Variants in CRIPTO observed in about 807,000 individuals in gnomAD.
CRIPTO encodes cripto, EGF-CFC family member, also known as protein Cripto.
chr3:46,576,767 C>A, the CRIPTO span, among the ~76,000 whole-genome samples: 1 of 152,100 alleles, frequency 6.6e-6, no homozygotes, highest in South Asian at 2.1e-4. Context: ...CGACTTTGGG[C>A]GTATTTAATA....
At chr3:46,578,326 T>TA in the CRIPTO span, among the ~76,000 whole-genome samples, 1 of 144,468 alleles carries the variant, frequency 6.9e-6, no homozygotes, top group East Asian at 2.1e-4. Flanking sequence ...ATTAAAGGTA[T>TA]AAGCAGATTC....
At chr3:46,580,160 A>G in the CRIPTO span, 1 of 1,507,694 alleles carries the variant, frequency 6.6e-7, no homozygotes, top group African/African-American at 1.4e-5. Flanking sequence ...TTGTCTTGCT[A>G]GAGCCTGGCA....
chr3:46,579,771 G>C, the CRIPTO span: 4 of 1,613,022 alleles, frequency 2.5e-6, no homozygotes, highest in Non-Finnish European at 3.4e-6. Context: ...CTGCCTGAAT[G>C]GGGGAACCTG....
chr3:46,581,344 T>C, the CRIPTO span: 3 of 993,206 alleles, frequency 3.0e-6, no homozygotes, highest in Non-Finnish European at 4.9e-6. Context: ...AACTGAAAGA[T>C]GATCATTTGT....
the CRIPTO span, chr3:46,580,169 C>A: frequency 6.9e-7 from 1 of 1,452,008 alleles, no homozygotes; most frequent in Non-Finnish European, 9.5e-7. Context: ...TAGAGCCTGG[C>A]AGCCAAAGTT....
At chr3:46,578,385 C>CAAAAA in the CRIPTO span, among the ~76,000 whole-genome samples, 5 of 134,620 alleles carry the variant, frequency 3.7e-5, no homozygotes, top group African/African-American at 1.0e-4. Flanking sequence ...AAAAAAAAAC[C>CAAAAA]CACATTTTTT....
At chr3:46,580,137 C>G in the CRIPTO span, 1 of 1,585,024 alleles carries the variant, frequency 6.3e-7, no homozygotes, top group Non-Finnish European at 8.6e-7. Context: ...TTAGCAGGCT[C>G]TCCTTGTACC....
chr3:46,581,174 C>G, the CRIPTO span: 6 of 1,614,072 alleles, frequency 3.7e-6, no homozygotes, highest in Non-Finnish European at 5.1e-6. Flanking sequence ...TCCAGGACTC[C>G]AGAACTACCA....
the CRIPTO span, chr3:46,581,666 T>G: frequency 2.0e-6 from 1 of 511,366 alleles, no homozygotes; most frequent in Non-Finnish European, 3.4e-6. Context: ...TGTGTCACCA[T>G]GCCCAGCTAA....
the CRIPTO span, chr3:46,582,354 T>C: frequency 6.6e-6 from 1 of 152,246 alleles, no homozygotes; most frequent in African/African-American, 2.4e-5. Flanking sequence ...ATGTTCACAA[T>C]ATATTTAGTT....
the CRIPTO span, chr3:46,579,972 T>G: frequency 1.7e-5 from 28 of 1,614,148 alleles, no homozygotes; most frequent in South Asian, 2.7e-4. Flanking sequence ...CTGTGCCCCA[T>G]GACACCTGGC....
At chr3:46,578,124 C>T in the CRIPTO span, 1 of 1,068,026 alleles carries the variant, frequency 9.4e-7, no homozygotes, top group Non-Finnish European at 1.4e-6. Context: ...GAGCTGCCAA[C>T]CGCACTGCTG....
At chr3:46,579,344 GC>G in the CRIPTO span, 3 of 1,614,122 alleles carry the variant, frequency 1.9e-6, no homozygotes, top group Non-Finnish European at 1.7e-6. Flanking sequence ...CCCAGCGTGT[GC>G]CGCCCATGGG....
the CRIPTO span, chr3:46,579,784 T>C: frequency 6.2e-7 from 1 of 1,613,396 alleles, no homozygotes; most frequent in Non-Finnish European, 8.5e-7. Flanking sequence ...GGAACCTGCA[T>C]GCTGGGGTCC....
chr3:46,581,616 TCTC>T, the CRIPTO span: 3 of 547,260 alleles, frequency 5.5e-6, no homozygotes, highest in Non-Finnish European at 9.6e-6. Context: ...TTCAAGCCAT[TCTC>T]CTGCCTCAGC....
the CRIPTO span, among the ~76,000 whole-genome samples, chr3:46,575,553 C>T: frequency 6.6e-6 from 1 of 152,162 alleles, no homozygotes; most frequent in Non-Finnish European, 1.5e-5. Flanking sequence ...GAAAAGCTGG[C>T]ATCCTGGGGT....
chr3:46,581,316 C>A, the CRIPTO span: 2 of 1,221,798 alleles, frequency 1.6e-6, no homozygotes, highest in Non-Finnish European at 2.4e-6. Flanking sequence ...CCAGTAAAGG[C>A]TGCTGCTACA....
the CRIPTO span, chr3:46,581,066 T>C: frequency 8.3e-7 from 1 of 1,207,402 alleles, no homozygotes; most frequent in Non-Finnish European, 1.2e-6. Flanking sequence ...ATATGCCACA[T>C]TTGTGGGCAG....
At chr3:46,580,166 T>G in the CRIPTO span, 1 of 1,478,662 alleles carries the variant, frequency 6.8e-7, no homozygotes, top group African/African-American at 1.4e-5. Flanking sequence ...TGCTAGAGCC[T>G]GGCAGCCAAA....
Sources: gnomAD v4.1 joint callset for allele counts (sites outside exome capture counted in the v4.1 genomes callset) on GRCh38, gnomAD v4.1.1 for gene constraint, MANE v1.5 for transcripts, NCBI Gene and HGNC (gene_info 2026-07-23, HGNC 2026-07-21) for gene names.